SPEG: variants seen among roughly 807,000 people sequenced by gnomAD.
SPEG encodes striated muscle enriched protein kinase.
Under a neutral mutation model 300.4 loss-of-function variants are expected in SPEG, and 114 were observed. That is an observed-to-expected ratio of 0.38 (90% CI 0.33 to 0.44). SPEG has a LOEUF of 0.44. SPEG is among the 20% of genes least tolerant of loss of function. The pLI is 1.00. For synonymous variants in SPEG, 1,964 were observed against 2,018.9 expected, an observed-to-expected ratio of 0.97 and a Z score of 0.73; for missense variants, 4,201 against 4,586.2, an observed-to-expected ratio of 0.92 and a Z score of 2.43.
Position 219,451,028 on chromosome 2 carries a change from CTCTG to C in SPEG, c.2114-103_2114-100del. Reference sequence around the variant, plus strand: ...CCAAGTCCCTGCTTTCTAGAAGCCCCTCTGTCTGGGTTTGGCTTTCTAGGATGCA... The same window carrying C: ...CCAAGTCCCTGCTTTCTAGAAGCCCCTCTGGGTTTGGCTTTCTAGGATGCA... On this transcript the variant is annotated intron_variant, in intron 4 of 40. Coordinates refer to ENST00000312358, the MANE Select transcript of SPEG (RefSeq NM_005876.5). The surrounding 1 kb of genome is among the most constrained non-coding windows in gnomAD (Gnocchi z 6.4). 1 of 1,168,810 alleles carries C rather than the reference CTCTG, an allele frequency of 8.6e-7. No individual in the cohort carries two copies. 72.4% of individuals were successfully genotyped at this position (1,168,810 alleles called of 1,614,324 possible).
chr2:219,465,969 G>A (rs76953962), intron 9 of SPEG: 55 of 1,141,968 alleles, frequency 4.8e-5, no homozygotes, highest in Middle Eastern at 1.9e-4. Flanking sequence ...GTGTGCATGC[G>A]TGTGTGTGCA....
At chr2:219,453,672 C>T (rs868100711) in intron 6 of SPEG, among the ~76,000 whole-genome samples, 1 of 152,236 alleles carries the variant, frequency 6.6e-6, no homozygotes, top group South Asian at 2.1e-4. Flanking sequence ...TCTGTTGCAT[C>T]AGGCATTACA....
chr2:219,488,702 G>C (rs1575191622), intron 33 of SPEG, 37 bp downstream of exon 33: 2 of 1,605,302 alleles, frequency 1.2e-6, no homozygotes, highest in South Asian at 2.2e-5. Flanking sequence ...GGTAGTGATG[G>C]GGATGGTGGG....
At chr2:219,478,718 A>G (rs13410967) in intron 22 of SPEG, among the ~76,000 whole-genome samples, 5 of 152,188 alleles carry the variant, frequency 3.3e-5, no homozygotes, top group African/African-American at 9.7e-5. Context: ...TTCAAACCTC[A>G]GCAAAATGAC....
chr2:219,449,073 C>T lies in SPEG; in HGVS notation c.1915C>T (p.Arg639Cys), dbSNP rs774057125. The T allele has an allele frequency of 1.9e-5, 29 of 1,516,942 alleles. No individual in the cohort carries two copies. The Admixed American group carries it at 3.6e-4, about 19-fold the overall frequency. The allele number at this position is 1,516,942 out of a possible 1,614,324, so 94.0% of individuals were successfully genotyped here. A position where few individuals can be genotyped will look rare whatever the true frequency, so the allele number is the denominator to read the frequency against. ...RKREPPAQAV[R>C]FLPWATPGLE... ...GCGGGAGCCCCCGGCGCAGGCCGTG[C>T]GCTTCCTGCCCTGGGCCACGCCGGG... Residue 639 changes from arginine to cysteine, a missense_variant, in exon 4 of 41, where the codon CGC (arginine) becomes TGC (cysteine). By Grantham distance (180) the Arg-to-Cys change is radical (BLOSUM62 -3). This residue lies in a region of SPEG where 1,258 missense variants were observed against 1,293.9 expected (regional missense o/e 0.97). Coordinates refer to ENST00000312358, the MANE Select transcript of SPEG (RefSeq NM_005876.5).
intron 13 of SPEG, among the ~76,000 whole-genome samples, chr2:219,469,719 T>G (rs989287861): frequency 1.3e-5 from 2 of 152,156 alleles, no homozygotes; most frequent in African/African-American, 4.8e-5. Flanking sequence ...CTAAATCAGT[T>G]AATGCATATA....
rs1005117200 is a variant in SPEG at position 219,466,776 on chromosome 2, G to A, written c.2882-398G>A. 1.2e-4 allele frequency: 125 copies of A among 1,014,504 alleles called. No individual in the cohort carries two copies. The African/African-American group carries it at 1.7e-3, about 14-fold the overall frequency. The allele number at this position is 1,014,504 out of a possible 1,614,324, so 62.8% of individuals were successfully genotyped here. On this transcript the variant is annotated intron_variant, in intron 9 of 40. Coordinates refer to ENST00000312358, the MANE Select transcript of SPEG (RefSeq NM_005876.5). ...AGGGAGTTAACCAAGTTTGGTGCAG[G>A]AGCAGGGGCAGGGGGCCACTGTAGT...
chr2:219,440,236 A>G (rs1176604727), intron 1 of SPEG, among the ~76,000 whole-genome samples: 1 of 151,824 alleles, frequency 6.6e-6, no homozygotes, highest in Non-Finnish European at 1.5e-5. Context: ...TTTTTTTAAA[A>G]ATTAGCTGGG....
chr2:219,445,033 G>C lies in SPEG; in HGVS notation c.687G>C (p.Pro229=). 6.2e-7 allele frequency: 1 copy of C among 1,608,320 alleles called. No individual in the cohort carries two copies. The highest frequency in any genetic ancestry group is 8.5e-7 in the Non-Finnish European group (1 of 1,177,512). The change falls in exon 3 of 41, where the codon CCG becomes CCC. Residue 229 remains proline, a synonymous_variant. Transcript: ENST00000312358. This position sits in a 1 kb window ranked among gnomAD's most constrained non-coding sequence, Gnocchi z 6.1. ...GAGPRHLGVE[P]LVRASRANLV... Reference sequence around the variant, plus strand: ...GGCCACGGCACCTGGGGGTGGAGCCGCTGGTGCGGGCATCTCGAGCTAATC... The same window carrying C: ...GGCCACGGCACCTGGGGGTGGAGCCCCTGGTGCGGGCATCTCGAGCTAATC...
At position 219,481,603 on chromosome 2, in the gene SPEG, C is replaced by T. The variant is rs949567862; in HGVS notation, c.5523-35C>T. 8.7e-6 allele frequency: 14 copies of T among 1,612,570 alleles called. No individual in the cohort carries two copies. Among genetic ancestry groups the T allele is most frequent in the Admixed American group, 5.0e-5 (3 of 60,018 alleles). On this transcript the variant is annotated intron_variant, in intron 27 of 40. Coordinates refer to ENST00000312358, the MANE Select transcript of SPEG (RefSeq NM_005876.5). This position sits in a 1 kb window ranked among gnomAD's most constrained non-coding sequence, Gnocchi z 5.4. Reference sequence around the variant, plus strand: ...AGTTATTGACTCACTGATGACTGAACGATAAATCCCTTCTTAATCCTCATT... The same window carrying T: ...AGTTATTGACTCACTGATGACTGAATGATAAATCCCTTCTTAATCCTCATT...
chr2:219,451,569 A>T lies in SPEG; in HGVS notation c.2258-56A>T, dbSNP rs1166691792. Reference sequence around the variant, plus strand: ...TGTGGTGTGTGGGGTAGGAGTAGAGATTCTCAGTGGGCGCCTGTGGGCCGT... The same window carrying T: ...TGTGGTGTGTGGGGTAGGAGTAGAGTTTCTCAGTGGGCGCCTGTGGGCCGT... On this transcript the variant is annotated intron_variant, in intron 5 of 40. Coordinates refer to ENST00000312358, the MANE Select transcript of SPEG (RefSeq NM_005876.5). The surrounding 1 kb of genome is among the most constrained non-coding windows in gnomAD (Gnocchi z 6.4). 1.4e-6 allele frequency: 2 copies of T among 1,437,528 alleles called. No homozygotes were observed. Among genetic ancestry groups the T allele is most frequent in the African/African-American group, 2.9e-5 (2 of 69,978 alleles). 89.0% of individuals were successfully genotyped at this position (1,437,528 alleles called of 1,614,324 possible).
In SPEG at chr2:219,490,602, G is replaced by A. The variant is rs775948662; in HGVS notation, c.9115G>A (p.Ala3039Thr). ...YITPRYLVLI[A>T]ESCGNRELLC... Reference sequence around the variant, plus strand: ...CACCCCTCGGTACCTCGTGCTCATTGCTGAGAGCTGTGGCAACCGGGAACT... The same window carrying A: ...CACCCCTCGGTACCTCGTGCTCATTACTGAGAGCTGTGGCAACCGGGAACT... Residue 3039 changes from alanine (A) to threonine (T), a missense_variant, in exon 37 of 41, where the codon GCT becomes ACT. Physicochemically the swap from Ala to Thr is moderately conservative, Grantham distance 58 (BLOSUM62 0). Around this residue, in one of 4 missense-constraint regions of SPEG, gnomAD observed 318 missense variants for 429.5 expected, o/e 0.74. Coordinates refer to ENST00000312358, the MANE Select transcript of SPEG (RefSeq NM_005876.5). The A allele has an allele frequency of 1.9e-5, 30 of 1,613,106 alleles. No homozygotes were observed. The highest frequency in any genetic ancestry group is 2.5e-5 in the Non-Finnish European group (29 of 1,179,214).
intron 8 of SPEG, among the ~76,000 whole-genome samples, chr2:219,462,910 C>T (rs189060339): frequency 1.3e-5 from 2 of 152,054 alleles, no homozygotes. Context: ...AGAGTGAGAC[C>T]CTGTCTCAAA....
intron 6 of SPEG, 175 bp from the exon 7 acceptor site, chr2:219,461,707 G>T: frequency 1.2e-6 from 1 of 816,392 alleles, no homozygotes; most frequent in South Asian, 1.9e-5. Flanking sequence ...GAGGTTCCAG[G>T]GGCTCAGGGA....
chr2:219,444,129 C>G lies in SPEG; in HGVS notation c.389-524C>G. On this transcript the variant is annotated intron_variant, in intron 1 of 40. Transcript: ENST00000312358. The surrounding 1 kb of genome is among the most constrained non-coding windows in gnomAD (Gnocchi z 7.8). ...CCCACCCGGCCCCGGCCTCTCCTCACCCTGCCTCAGCTGCACCCGATGCCT... is the reference window on the plus strand; with the variant it reads ...CCCACCCGGCCCCGGCCTCTCCTCAGCCTGCCTCAGCTGCACCCGATGCCT... 1 of 1,170,342 alleles carries G rather than the reference C, an allele frequency of 8.5e-7. No individual in the cohort carries two copies. The highest frequency in any genetic ancestry group is 2.2e-5 in the Admixed American group (1 of 45,230). 72.5% of individuals were successfully genotyped at this position (1,170,342 alleles called of 1,614,324 possible). A position where few individuals can be genotyped will look rare whatever the true frequency, so the allele number is the denominator to read the frequency against.
At position 219,467,358 on chromosome 2, in the gene SPEG, C is replaced by T. The variant is rs984751668; in HGVS notation, c.3066C>T (p.Arg1022=). The change falls in exon 10 of 41, where the codon CGC becomes CGT. Residue 1022 remains arginine (R), a synonymous_variant. Transcript: ENST00000312358. Reference sequence around the variant, plus strand: ...AATGCAAGATGCATTTCGATGGCCGCAAATGCAAGCTGCTACTTACATCTG... The same window carrying T: ...AATGCAAGATGCATTTCGATGGCCGTAAATGCAAGCTGCTACTTACATCTG... ...LLKCKMHFDG[R]KCKLLLTSVH... is the part of the protein sequence containing the mutation. The T allele has an allele frequency of 1.2e-6, 2 of 1,612,358 alleles. No homozygotes were observed. Among genetic ancestry groups the T allele is most frequent in the African/African-American group, 1.3e-5 (1 of 74,948 alleles).
In SPEG at chr2:219,443,979, C is replaced by A; in HGVS notation, c.389-674C>A. On this transcript the variant is annotated intron_variant, in intron 1 of 40. Coordinates refer to ENST00000312358, the MANE Select transcript of SPEG (RefSeq NM_005876.5). This position sits in a 1 kb window ranked among gnomAD's most constrained non-coding sequence, Gnocchi z 4.6. ...CTCCATGCCCTGCCCCACAAACGCT[C>A]TGATAACAGTCTGTCCCTGTCTCTC... The A allele has an allele frequency of 7.4e-7, 1 of 1,353,306 alleles. No individual in the cohort carries two copies. The highest frequency in any genetic ancestry group is 9.9e-7 in the Non-Finnish European group (1 of 1,014,290). 83.8% of individuals were successfully genotyped at this position (1,353,306 alleles called of 1,614,324 possible). A position where few individuals can be genotyped will look rare whatever the true frequency, so the allele number is the denominator to read the frequency against.
chr2:219,476,678 G>A (rs1025809595), intron 18 of SPEG, among the ~76,000 whole-genome samples, 192 bp from the exon 19 acceptor site: 1 of 151,662 alleles, frequency 6.6e-6, no homozygotes, highest in Non-Finnish European at 1.5e-5. Context: ...GGGGCGGGGC[G>A]GGGCTTGGTC....
In SPEG at chr2:219,469,744, G is replaced by C. The variant is rs116057360; in HGVS notation, c.3715+365G>C. Among the ~76,000 whole-genome samples the C allele has an allele frequency of 6.1e-3, 926 of 152,294 alleles. 10 individuals are homozygous for C. Among genetic ancestry groups the C allele is most frequent in the African/African-American group, 0.021 (890 of 41,548 alleles). Reference sequence around the variant, plus strand: ...TAATGCATATAAGCCCCAGAGCAGGGCCTGGCACCTGGCAAGCAGCTGGGA... The same window carrying C: ...TAATGCATATAAGCCCCAGAGCAGGCCCTGGCACCTGGCAAGCAGCTGGGA... On this transcript the variant is annotated intron_variant, in intron 13 of 40. Coordinates refer to ENST00000312358, the MANE Select transcript of SPEG (RefSeq NM_005876.5).
Sources: gnomAD v4.1 joint callset for allele counts (sites outside exome capture counted in the v4.1 genomes callset) on GRCh38, gnomAD v4.1.1 for gene constraint, gnomAD v4.1.1 regional missense constraint, Gnocchi (gnomAD v3.1) non-coding constraint, MANE v1.5 for transcripts, NCBI Gene and HGNC (gene_info 2026-07-23, HGNC 2026-07-21) for gene names.